Variants in FCHSD2 observed in about 807,000 individuals in gnomAD.
FCHSD2 encodes FCH and double SH3 domains 2, also known as F-BAR and double SH3 domains protein 2.
FCHSD2 carries 38 observed loss-of-function variants against 108.1 expected under a neutral mutation model. The ratio of observed to expected loss-of-function variants is 0.35; its 90% CI spans 0.27 to 0.46. The LOEUF (loss-of-function observed/expected upper bound fraction) is 0.46, where lower values mean the gene tolerates loss of function less well. Ranked by LOEUF, FCHSD2 falls within the 20% of genes least tolerant of loss-of-function variation. The pLI, the probability that FCHSD2 is intolerant of heterozygous loss-of-function variation, is 1.00. For missense variants in FCHSD2, 751 were observed against 897.8 expected, an observed-to-expected ratio of 0.84 and a Z score of 2.09; for synonymous variants, 279 against 314.7, an observed-to-expected ratio of 0.89 and a Z score of 1.20.
chr11:73,076,527 G>C (rs912874991), intron 3 of FCHSD2, among the ~76,000 whole-genome samples: 4 of 152,074 alleles, frequency 2.6e-5, no homozygotes, highest in Admixed American at 2.6e-4. Context: ...GGTTACTTTG[G>C]GCTCAGGATA....
At chr11:72,865,880 A>T (rs1465304898) in intron 13 of FCHSD2, among the ~76,000 whole-genome samples, 1 of 152,214 alleles carries the variant, frequency 6.6e-6, no homozygotes, top group African/African-American at 2.4e-5. Context: ...CCAGTCATAC[A>T]CTGCCATGTA....
intron 8 of FCHSD2, among the ~76,000 whole-genome samples, chr11:72,974,209 C>T (rs1330441555): frequency 1.3e-5 from 2 of 152,106 alleles, no homozygotes; most frequent in Non-Finnish European, 2.9e-5. Context: ...GGTGTAGGGG[C>T]CTGTATCTGG....
intron 10 of FCHSD2, among the ~76,000 whole-genome samples, chr11:72,892,961 G>A (rs952224133): frequency 1.3e-5 from 2 of 151,412 alleles, no homozygotes; most frequent in Non-Finnish European, 2.9e-5. Flanking sequence ...CAAAGAAACC[G>A]TAATGACTGC....
chr11:73,126,339 TA>T (rs61586562), intron 2 of FCHSD2, among the ~76,000 whole-genome samples: 224 of 27,572 alleles, frequency 8.1e-3, no homozygotes, highest in Non-Finnish European at 0.017. Flanking sequence ...GATTCCATCT[TA>T]AAAAAAAAAA....
At chr11:73,065,460 C>T (rs1379701536) in intron 3 of FCHSD2, among the ~76,000 whole-genome samples, 2 of 152,080 alleles carry the variant, frequency 1.3e-5, no homozygotes, top group East Asian at 3.9e-4. Context: ...ACAAGGATGC[C>T]CTCTCTCATC....
chr11:73,019,249 T>C (rs1389226339), intron 3 of FCHSD2, among the ~76,000 whole-genome samples: 2 of 152,310 alleles, frequency 1.3e-5, no homozygotes, highest in African/African-American at 2.4e-5. Flanking sequence ...TAAATTTATG[T>C]AGGAACAAAT....
At chr11:72,936,872 T>C (rs942881461) in intron 8 of FCHSD2, among the ~76,000 whole-genome samples, 4 of 152,220 alleles carry the variant, frequency 2.6e-5, no homozygotes, top group African/African-American at 9.6e-5. Flanking sequence ...CTCTTTGAAA[T>C]ATATTAAAAA....
intron 8 of FCHSD2, among the ~76,000 whole-genome samples, chr11:72,953,273 A>C (rs1856650821): frequency 6.6e-6 from 1 of 152,188 alleles, no homozygotes; most frequent in Non-Finnish European, 1.5e-5. Flanking sequence ...GATCTCCAGA[A>C]ACCTACTGCT....
Position 72,937,538 on chromosome 11 carries a change from A to C in FCHSD2, c.706-15588T>G, listed in dbSNP as rs527319341. 3.3e-5 allele frequency among the ~76,000 whole-genome samples: 5 copies of C among 152,334 alleles called. No individual in the cohort carries two copies. In the East Asian group the frequency reaches 9.6e-4, roughly 29 times the overall value. On this transcript the variant is annotated intron_variant, in intron 8 of 19. Transcript: ENST00000409418. ...TGGACATATGGGACCATTAATGGAAAGGCAAGGTCTGATCTCTAGATGTTT... is the reference window on the plus strand; with the variant it reads ...TGGACATATGGGACCATTAATGGAACGGCAAGGTCTGATCTCTAGATGTTT...
At chr11:72,929,384 G>A (rs141105155) in intron 8 of FCHSD2, among the ~76,000 whole-genome samples, 2 of 152,304 alleles carry the variant, frequency 1.3e-5, no homozygotes, top group African/African-American at 4.8e-5. Context: ...ACCTCTGCAA[G>A]GCTGTGATAC....
chr11:72,922,082 G>A (rs187378103), intron 8 of FCHSD2, 132 bp from the exon 9 acceptor site: 66 of 607,012 alleles, frequency 1.1e-4, no homozygotes, highest in African/African-American at 1.1e-3. Context: ...AAAAGATACA[G>A]ATTGTAAGTA....
intron 2 of FCHSD2, among the ~76,000 whole-genome samples, chr11:73,104,223 T>C (rs1332458439): frequency 6.6e-6 from 1 of 152,266 alleles, no homozygotes; most frequent in Admixed American, 6.5e-5. Flanking sequence ...GCACATATAG[T>C]ATCATTTACT....
At chr11:73,037,627 A>G (rs1858529973) in intron 3 of FCHSD2, among the ~76,000 whole-genome samples, 1 of 152,214 alleles carries the variant, frequency 6.6e-6, no homozygotes, top group African/African-American at 2.4e-5. Context: ...ATGTTTTCCT[A>G]AAAACTTAGG....
At chr11:73,096,377 CAAAAAA>C (rs767268719) in intron 2 of FCHSD2, among the ~76,000 whole-genome samples, 1 of 68,356 alleles carries the variant, frequency 1.5e-5, no homozygotes. Context: ...CCTGCCTCTA[CAAAAAA>C]AAAAAAAAAA....
intron 3 of FCHSD2, among the ~76,000 whole-genome samples, chr11:73,033,828 T>C (rs1041541300): frequency 6.6e-6 from 1 of 152,220 alleles, no homozygotes; most frequent in Admixed American, 6.5e-5. Context: ...GTAGGTTTTT[T>C]CCCACATCCC....
intron 13 of FCHSD2, among the ~76,000 whole-genome samples, chr11:72,859,081 A>G (rs1861504852): frequency 6.6e-6 from 1 of 152,328 alleles, no homozygotes; most frequent in South Asian, 2.1e-4. Flanking sequence ...GAATTTAGTA[A>G]AGCCAAAGTG....
At chr11:72,999,520 A>G (rs898818865) in intron 5 of FCHSD2, among the ~76,000 whole-genome samples, 6 of 151,910 alleles carry the variant, frequency 3.9e-5, no homozygotes, top group South Asian at 2.1e-4. Context: ...GGGTTTCACC[A>G]TATTGGTCAG....
chr11:72,854,576 A>T (rs1202587288), intron 13 of FCHSD2, among the ~76,000 whole-genome samples: 1 of 152,166 alleles, frequency 6.6e-6, no homozygotes, highest in African/African-American at 2.4e-5. Context: ...GGACTACAGG[A>T]ACATGCCACC....
chr11:72,892,826 G>A (rs985023934), intron 10 of FCHSD2, among the ~76,000 whole-genome samples: 59 of 151,700 alleles, frequency 3.9e-4, no homozygotes, highest in African/African-American at 1.3e-3. Flanking sequence ...GGATGGTCTC[G>A]ATCTCTTGAC....
Sources: gnomAD v4.1 joint callset for allele counts (sites outside exome capture counted in the v4.1 genomes callset) on GRCh38, gnomAD v4.1.1 for gene constraint, MANE v1.5 for transcripts, NCBI Gene and HGNC (gene_info 2026-07-23, HGNC 2026-07-21) for gene names.